ATP8B1: variants seen among roughly 807,000 people sequenced by gnomAD.
ATP8B1 encodes ATPase phospholipid transporting 8B1, also known as phospholipid-transporting ATPase IC.
ATP8B1 carries 80 observed loss-of-function variants against 149.9 expected under a neutral mutation model. That is an observed-to-expected ratio of 0.53 (90% confidence interval 0.45 to 0.64). The LOEUF (loss-of-function observed/expected upper bound fraction) is 0.64. Among genes scored for constraint, ATP8B1 ranks in the 30% least tolerant of loss-of-function variants. The pLI is 0.00. For missense variants in ATP8B1, 1,247 were observed against 1,552.6 expected (o/e 0.80, Z 3.31); for synonymous variants, 536 against 562.8 (o/e 0.95, Z 0.67).
At chr18:57,683,346 A>G (rs1387540699) in intron 15 of ATP8B1, among the ~76,000 whole-genome samples, 14 of 152,210 alleles carry the variant, frequency 9.2e-5, no homozygotes, top group Admixed American at 9.2e-4. Context: ...TCTTTCTATA[A>G]AGTGCATGTG....
At chr18:57,672,887 T>C (rs1419684783) in intron 16 of ATP8B1, among the ~76,000 whole-genome samples, 212 of 9,378 alleles carry the variant, frequency 0.023, 3 homozygotes, top group African/African-American at 0.068. Flanking sequence ...AAAAAAAAAG[T>C]ATATATATAT....
intron 15 of ATP8B1, among the ~76,000 whole-genome samples, chr18:57,677,492 G>GCGGCTGTTTATCCGC (rs1555690800): frequency 6.6e-6 from 1 of 151,632 alleles, no homozygotes; most frequent in East Asian, 1.9e-4. Flanking sequence ...AGATGCATGA[G>GCGGCTGTTTATCCGC]CAGCCTCACT....
intron 2 of ATP8B1, among the ~76,000 whole-genome samples, chr18:57,729,503 G>T (rs2079738927): frequency 1.3e-5 from 2 of 151,370 alleles, no homozygotes; most frequent in East Asian, 1.9e-4. Context: ...TTATGACAGA[G>T]GCCACCTTCC....
At chr18:57,766,478 G>C (rs1464967901) in intron 1 of ATP8B1, among the ~76,000 whole-genome samples, 1 of 152,218 alleles carries the variant, frequency 6.6e-6, no homozygotes, top group African/African-American at 2.4e-5. Context: ...TAGCCAGGCA[G>C]TGTGCTAAAA....
chr18:57,726,281 C>T (rs1427264257), intron 2 of ATP8B1, among the ~76,000 whole-genome samples: 2 of 152,126 alleles, frequency 1.3e-5, no homozygotes, highest in Non-Finnish European at 2.9e-5. Context: ...CTCCAGGACA[C>T]TAAACTGGGC....
At chr18:57,776,077 C>T (rs2080303706) in intron 1 of ATP8B1, among the ~76,000 whole-genome samples, 2 of 152,192 alleles carry the variant, frequency 1.3e-5, no homozygotes, top group Non-Finnish European at 2.9e-5. Flanking sequence ...CACTGAAAAA[C>T]CATCATCATT....
intron 1 of ATP8B1, among the ~76,000 whole-genome samples, chr18:57,767,801 A>AT (rs1362128825): frequency 2.0e-5 from 3 of 151,156 alleles, no homozygotes. Flanking sequence ...AAAAAAAAAA[A>AT]GCAGAACACT....
chr18:57,749,061 T>C (rs947993912), intron 1 of ATP8B1, among the ~76,000 whole-genome samples: 2 of 152,246 alleles, frequency 1.3e-5, no homozygotes, highest in South Asian at 2.1e-4. Context: ...AAAGATGCTT[T>C]CTGCTCCACC....
intron 1 of ATP8B1, among the ~76,000 whole-genome samples, chr18:57,747,453 CAAA>C (rs35857076): frequency 2.4e-4 from 32 of 136,084 alleles, no homozygotes; most frequent in Non-Finnish European, 2.8e-4. Context: ...AACTCTATCT[CAAA>C]AAAAAAAAAA....
At chr18:57,796,947 T>C (rs963821562) in intron 1 of ATP8B1, among the ~76,000 whole-genome samples, 2 of 152,158 alleles carry the variant, frequency 1.3e-5, no homozygotes, top group Admixed American at 1.3e-4. Context: ...TATGTTCTTA[T>C]AGAAAATGTT....
intron 2 of ATP8B1, among the ~76,000 whole-genome samples, chr18:57,713,219 C>T (rs1211092993): frequency 1.5e-4 from 19 of 129,856 alleles, no homozygotes; most frequent in African/African-American, 5.1e-4. Context: ...TTCCTTCCTT[C>T]CTTCCTTCCT....
rs141869300 is a variant in ATP8B1, at chr18:57,743,058, A to C, written c.-25-11226T>G. Among the ~76,000 whole-genome samples the C allele has an allele frequency of 8.6e-4, 131 of 152,316 alleles. 1 individual carries two copies. Among genetic ancestry groups the C allele is most frequent in the African/African-American group, 3.0e-3 (126 of 41,574 alleles). On this transcript the variant is annotated intron_variant, in intron 1 of 27. Transcript: ENST00000648908. ...TTATCCATAAAAGGCAGCCCCTTCCAGGACAAAGGATTTTTCATACAGATT... is the reference window on the plus strand; with the variant it reads ...TTATCCATAAAAGGCAGCCCCTTCCCGGACAAAGGATTTTTCATACAGATT...
chr18:57,689,380 A>T (rs182499194), intron 12 of ATP8B1, among the ~76,000 whole-genome samples: 3 of 152,348 alleles, frequency 2.0e-5, no homozygotes, highest in African/African-American at 7.2e-5. Flanking sequence ...GTTATAGAAT[A>T]TCCAAAATAA....
At chr18:57,773,132 G>GCAGAGGACGCAGTGAGCCA (rs2080277283) in intron 1 of ATP8B1, among the ~76,000 whole-genome samples, 2 of 149,424 alleles carry the variant, frequency 1.3e-5, no homozygotes, top group South Asian at 4.3e-4. Context: ...AACACAGGAG[G>GCAGAGGACGCAGTGAGCCA]CAGAGGACGC....
chr18:57,676,608 A>G (rs1911604626), intron 15 of ATP8B1, among the ~76,000 whole-genome samples: 1 of 150,348 alleles, frequency 6.7e-6, no homozygotes, highest in Non-Finnish European at 1.5e-5. Context: ...AGTTCCAGCT[A>G]CTCGGGAGGC....
intron 1 of ATP8B1, among the ~76,000 whole-genome samples, chr18:57,778,234 T>C (rs565919119): frequency 5.0e-4 from 75 of 150,402 alleles, no homozygotes; most frequent in Non-Finnish European, 9.0e-4. Flanking sequence ...TTTTCTTTTT[T>C]TTTTTTTTTG....
At chr18:57,674,761 ATGCCACTCAATACAATGGGCAC>A in intron 16 of ATP8B1, 51 bp downstream of exon 16, 1 of 1,525,334 alleles carries the variant, frequency 6.6e-7, no homozygotes, top group Non-Finnish European at 9.1e-7. Flanking sequence ...CTTTATCCTG[ATGCCACTCAATACAATGGGCAC>A]AAGCAACATC....
At chr18:57,725,587 A>G (rs1405652910) in intron 2 of ATP8B1, among the ~76,000 whole-genome samples, 1 of 152,252 alleles carries the variant, frequency 6.6e-6, no homozygotes, top group Non-Finnish European at 1.5e-5. Context: ...AATCTAAGCC[A>G]AAAGAACAGA....
intron 8 of ATP8B1, among the ~76,000 whole-genome samples, chr18:57,695,936 C>G (rs570327800): frequency 6.6e-6 from 1 of 152,292 alleles, no homozygotes; most frequent in African/African-American, 2.4e-5. Context: ...CTGTCAAATT[C>G]TTTTCCAGAG....
Sources: gnomAD v4.1 joint callset for allele counts (sites outside exome capture counted in the v4.1 genomes callset) on GRCh38, gnomAD v4.1.1 for gene constraint, MANE v1.5 for transcripts, NCBI Gene and HGNC (gene_info 2026-07-23, HGNC 2026-07-21) for gene names.